The following NRXN1 variants were observed in gnomAD, a reference collection of about 807,000 sequenced individuals.
NRXN1 encodes the protein neurexin 1.
A neutral mutation model predicts 150.9 loss-of-function variants in NRXN1; 39 were observed. That is an observed-to-expected ratio of 0.26 (90% CI 0.20 to 0.34). The LOEUF (loss-of-function observed/expected upper bound fraction) is 0.34, where lower values mean the gene tolerates loss of function less well. Ranked by LOEUF, NRXN1 falls within the 10% of genes least tolerant of loss-of-function variation. The pLI is 1.00. For missense variants in NRXN1, 1,815 were observed against 1,949.9 expected (o/e 0.93, Z 1.30); for synonymous variants, 924 against 757.0 (o/e 1.22, Z -3.62).
chr2:50,999,478 G>A (rs1056850820), intron 2 of NRXN1, among the ~76,000 whole-genome samples: 1 of 151,968 alleles, frequency 6.6e-6, no homozygotes, highest in Non-Finnish European at 1.5e-5. Flanking sequence ...TATGTGACAA[G>A]CACAATTCCA....
chr2:50,546,520 A>C (rs2093497377), intron 9 of NRXN1, among the ~76,000 whole-genome samples: 1 of 152,174 alleles, frequency 6.6e-6, no homozygotes, highest in African/African-American at 2.4e-5. Flanking sequence ...CACCATATTA[A>C]ACAGATAGCC....
chr2:51,026,283 G>T, intron 2 of NRXN1: 1 of 804,902 alleles, frequency 1.2e-6, no homozygotes, highest in Non-Finnish European at 2.1e-6. Flanking sequence ...TGTGTTGATT[G>T]CCTTGCTTTG....
intron 5 of NRXN1, among the ~76,000 whole-genome samples, chr2:50,801,596 C>G (rs1291893409): frequency 1.3e-5 from 2 of 152,032 alleles, no homozygotes; most frequent in Non-Finnish European, 2.9e-5. Flanking sequence ...AAAACAAACC[C>G]AGATACTCCC....
At chr2:50,611,402 A>G (rs1678106600) in intron 8 of NRXN1, among the ~76,000 whole-genome samples, 2 of 152,142 alleles carry the variant, frequency 1.3e-5, no homozygotes, top group African/African-American at 2.4e-5. Flanking sequence ...CCTGGAAAGG[A>G]AAGATTCTAT....
intron 21 of NRXN1, among the ~76,000 whole-genome samples, chr2:50,036,221 C>A (rs1262720246): frequency 6.6e-6 from 1 of 152,044 alleles, no homozygotes; most frequent in African/African-American, 2.4e-5. Flanking sequence ...CATGATATTG[C>A]GTGAGTTCTC....
intron 2 of NRXN1, among the ~76,000 whole-genome samples, chr2:50,986,729 CA>C (rs11356753): frequency 0.65 from 98,030 of 150,980 alleles, 32,467 homozygotes; most frequent in African/African-American, 0.77. Context: ...ATATAATTGC[CA>C]AATATTCATA....
At chr2:50,300,854 C>T (rs1009827812) in intron 17 of NRXN1, among the ~76,000 whole-genome samples, 1 of 152,118 alleles carries the variant, frequency 6.6e-6, no homozygotes, top group Admixed American at 6.6e-5. Context: ...TGGCACCACG[C>T]CTGGCTAATT....
At chr2:50,999,166 G>A (rs1699715782) in intron 2 of NRXN1, among the ~76,000 whole-genome samples, 1 of 151,948 alleles carries the variant, frequency 6.6e-6, no homozygotes, top group South Asian at 2.1e-4. Context: ...GTACCTAAGA[G>A]TTGACAAAGA....
intron 5 of NRXN1, among the ~76,000 whole-genome samples, chr2:50,905,179 T>G (rs1231030601): frequency 6.6e-6 from 1 of 152,150 alleles, no homozygotes; most frequent in Non-Finnish European, 1.5e-5. Flanking sequence ...CTTCCTCTAA[T>G]GATCCCACCT....
At chr2:50,456,670 C>G (rs2087592585) in intron 17 of NRXN1, among the ~76,000 whole-genome samples, 1 of 151,808 alleles carries the variant, frequency 6.6e-6, no homozygotes, top group Non-Finnish European at 1.5e-5. Flanking sequence ...GACCTTTTTT[C>G]TGGACTCTAC....
At chr2:50,244,758 T>G (rs1041985769) in intron 17 of NRXN1, among the ~76,000 whole-genome samples, 11 of 151,794 alleles carry the variant, frequency 7.2e-5, no homozygotes, top group African/African-American at 2.4e-4. Context: ...AAGAGAGGAT[T>G]TGAATTTTCT....
chr2:50,239,683 T>C (rs1441290871), intron 17 of NRXN1, among the ~76,000 whole-genome samples: 2 of 88,780 alleles, frequency 2.3e-5, no homozygotes, highest in South Asian at 6.1e-4. Context: ...TATATATATA[T>C]ATATATATAT....
At chr2:50,685,910 T>C (rs1691159915) in intron 5 of NRXN1, among the ~76,000 whole-genome samples, 1 of 152,058 alleles carries the variant, frequency 6.6e-6, no homozygotes, top group African/African-American at 2.4e-5. Flanking sequence ...TTACTTTTTT[T>C]CCTACACTCA....
intron 21 of NRXN1, among the ~76,000 whole-genome samples, chr2:49,979,126 G>T (rs1679531778): frequency 6.6e-6 from 1 of 152,034 alleles, no homozygotes; most frequent in Non-Finnish European, 1.5e-5. Flanking sequence ...GTGAAACCCT[G>T]TCTCTACTAA....
At chr2:50,325,627 AT>A in intron 17 of NRXN1, among the ~76,000 whole-genome samples, 1 of 152,320 alleles carries the variant, frequency 6.6e-6, no homozygotes, top group East Asian at 1.9e-4. Flanking sequence ...CTCATGGCCA[AT>A]TTTAATAGCA....
At chr2:50,413,622 G>C (rs1258590117) in intron 17 of NRXN1, among the ~76,000 whole-genome samples, 1 of 152,102 alleles carries the variant, frequency 6.6e-6, no homozygotes, top group African/African-American at 2.4e-5. Context: ...GAACAGTTTG[G>C]AGGTTCCTCA....
chr2:50,043,388 A>G (rs1175763845), intron 21 of NRXN1, among the ~76,000 whole-genome samples: 1 of 152,202 alleles, frequency 6.6e-6, no homozygotes, highest in Non-Finnish European at 1.5e-5. Context: ...GACCCTGTCA[A>G]GAAACATTAC....
intron 16 of NRXN1, among the ~76,000 whole-genome samples, chr2:50,471,557 G>A (rs2089468988): frequency 6.6e-6 from 1 of 151,818 alleles, no homozygotes; most frequent in South Asian, 2.1e-4. Context: ...ATTGCGCAGT[G>A]ATAAATATAT....
chr2:50,943,274 T>G (rs566203883), intron 2 of NRXN1, among the ~76,000 whole-genome samples: 1 of 152,264 alleles, frequency 6.6e-6, no homozygotes, highest in African/African-American at 2.4e-5. Context: ...AAAAATAAAC[T>G]AATACGCGGA....
Sources: allele counts gnomAD v4.1 joint callset (sites outside exome capture counted in the v4.1 genomes callset), GRCh38; gene constraint gnomAD v4.1.1; transcripts MANE v1.5; gene names NCBI Gene and HGNC (gene_info 2026-07-23, HGNC 2026-07-21).